KGD4: variants seen among roughly 807,000 people sequenced by gnomAD.
The protein encoded by KGD4 is alpha-ketoglutarate dehydrogenase subunit 4.
the KGD4 span, among the ~76,000 whole-genome samples, chr5:69,228,972 G>T: frequency 7.8e-6 from 1 of 128,044 alleles, no homozygotes; most frequent in Non-Finnish European, 1.5e-5. Context: ...CCAAGGTCAC[G>T]CCACTGCACT....
chr5:69,217,977 C>G, the KGD4 span: 1 of 1,581,600 alleles, frequency 6.3e-7, no homozygotes, highest in East Asian at 2.2e-5. Flanking sequence ...GCGGTGACCG[C>G]GCCTCTGCGG....
chr5:69,228,182 T>A, the KGD4 span: 1 of 1,535,622 alleles, frequency 6.5e-7, no homozygotes, highest in Non-Finnish European at 8.7e-7. Context: ...ATAAGGTCTT[T>A]TTTTTTTTTA....
At chr5:69,220,946 G>C in the KGD4 span, among the ~76,000 whole-genome samples, 1 of 152,166 alleles carries the variant, frequency 6.6e-6, no homozygotes, top group South Asian at 2.1e-4. Flanking sequence ...ATTAAGGGCG[G>C]TGCAAGATGT....
At chr5:69,229,760 T>A in the KGD4 span, 2 of 152,124 alleles carry the variant, frequency 1.3e-5, no homozygotes, top group Admixed American at 1.3e-4. Context: ...CTACTCTGAA[T>A]GATAAAAATA....
chr5:69,226,819 G>T, the KGD4 span, among the ~76,000 whole-genome samples: 1 of 151,666 alleles, frequency 6.6e-6, no homozygotes, highest in Non-Finnish European at 1.5e-5. Flanking sequence ...CTGCACTCCA[G>T]CCTGGGTGAC....
chr5:69,226,100 T>C, the KGD4 span, among the ~76,000 whole-genome samples: 56 of 152,348 alleles, frequency 3.7e-4, no homozygotes, highest in South Asian at 0.011. Flanking sequence ...TTGGGTTGCT[T>C]TGAAGTGAAG....
the KGD4 span, among the ~76,000 whole-genome samples, chr5:69,218,385 A>G: frequency 5.3e-5 from 8 of 152,166 alleles, 1 homozygote; most frequent in Admixed American, 2.6e-4. Flanking sequence ...GTTCTCCCCA[A>G]CCTCTCCAAG....
At chr5:69,219,917 A>G in the KGD4 span, among the ~76,000 whole-genome samples, 2 of 152,134 alleles carry the variant, frequency 1.3e-5, no homozygotes, top group Admixed American at 6.5e-5. Context: ...CAGGCCTATA[A>G]AGCTAGGACT....
the KGD4 span, chr5:69,217,849 C>T: frequency 6.2e-7 from 1 of 1,614,036 alleles, no homozygotes; most frequent in East Asian, 2.2e-5. Context: ...AGCAAGATGG[C>T]GTCTGCTAGT....
At chr5:69,217,944 G>GA in the KGD4 span, 2 of 1,611,712 alleles carry the variant, frequency 1.2e-6, no homozygotes, top group Non-Finnish European at 1.7e-6. Flanking sequence ...GCGTCGGGGA[G>GA]TAAAGGCGGT....
chr5:69,227,112 C>G, the KGD4 span, among the ~76,000 whole-genome samples: 2 of 152,142 alleles, frequency 1.3e-5, no homozygotes, highest in Non-Finnish European at 2.9e-5. Context: ...CTCAGGTGAT[C>G]TGCCTGCCTC....
the KGD4 span, among the ~76,000 whole-genome samples, chr5:69,218,638 A>G: frequency 6.6e-6 from 1 of 152,152 alleles, no homozygotes; most frequent in African/African-American, 2.4e-5. Context: ...CTTAGGTAAA[A>G]TTATTATATA....
At chr5:69,223,409 A>T in the KGD4 span, among the ~76,000 whole-genome samples, 2 of 151,506 alleles carry the variant, frequency 1.3e-5, no homozygotes, top group Admixed American at 6.6e-5. Flanking sequence ...AGACTTGAGC[A>T]TGATTTTATG....
the KGD4 span, chr5:69,228,462 T>C: frequency 7.3e-7 from 1 of 1,374,416 alleles, no homozygotes; most frequent in Non-Finnish European, 1.0e-6. Flanking sequence ...CATTTGCTGA[T>C]TTACATGCTA....
chr5:69,226,269 T>C, the KGD4 span: 1 of 1,056,366 alleles, frequency 9.5e-7, no homozygotes. Context: ...CGTATCTACT[T>C]ATGAGGTTTA....
the KGD4 span, among the ~76,000 whole-genome samples, chr5:69,218,471 TG>T: frequency 8.4e-3 from 4 of 474 alleles, no homozygotes; most frequent in Non-Finnish European, 0.025. Flanking sequence ...TGTATATTAA[TG>T]TGTGTGTGTG....
At chr5:69,218,178 T>G in the KGD4 span, 1 of 416,434 alleles carries the variant, frequency 2.4e-6, no homozygotes, top group Non-Finnish European at 4.3e-6. Flanking sequence ...CTTAGGCGTG[T>G]GCGGGTGAGG....
the KGD4 span, chr5:69,229,155 TTTC>T: frequency 6.6e-7 from 1 of 1,519,792 alleles, no homozygotes. Flanking sequence ...CATCAAAACA[TTTC>T]CTGAGTCAAT....
the KGD4 span, among the ~76,000 whole-genome samples, chr5:69,227,166 G>A: frequency 6.6e-6 from 1 of 152,086 alleles, no homozygotes; most frequent in Non-Finnish European, 1.5e-5. Context: ...CCACTCACCT[G>A]GCCTTTATTA....
Sources: allele counts gnomAD v4.1 joint callset (sites outside exome capture counted in the v4.1 genomes callset), GRCh38; gene constraint gnomAD v4.1.1; transcripts MANE v1.5; gene names NCBI Gene and HGNC (gene_info 2026-07-23, HGNC 2026-07-21).